Variants in RIMS2 observed in about 807,000 individuals in gnomAD.
The protein encoded by RIMS2 is regulating synaptic membrane exocytosis 2.
Under a neutral mutation model 174.4 loss-of-function variants are expected in RIMS2, and 59 were observed. The ratio of observed to expected loss-of-function variants is 0.34; its 90% CI spans 0.27 to 0.42. RIMS2 has a LOEUF of 0.42. Among genes scored for constraint, RIMS2 ranks in the 10% least tolerant of loss-of-function variants. The pLI, the probability that RIMS2 is intolerant of heterozygous loss-of-function variation, is 1.00. For missense variants in RIMS2, 1,620 were observed against 1,666.3 expected (o/e 0.97, Z 0.48); for synonymous variants, 606 against 572.5 (o/e 1.06, Z -0.84).
chr8:104,125,368 G>A (rs2098420156), intron 19 of RIMS2, among the ~76,000 whole-genome samples: 1 of 152,080 alleles, frequency 6.6e-6, no homozygotes. Context: ...CAAGTTTTAT[G>A]ATTTCTCAGT....
In RIMS2 at chr8:103,975,597, A is replaced by T. The variant is rs146919418; in HGVS notation, c.2927+91A>T. On this transcript the variant is annotated intron_variant, in intron 16 of 23. Coordinates refer to ENST00000504942, the Ensembl canonical transcript of RIMS2. ...AACTAATAGGATATATGTATATACGAAAGGGAGTTTATTAGGGAGAATTGG... is the reference window on the plus strand; with the variant it reads ...AACTAATAGGATATATGTATATACGTAAGGGAGTTTATTAGGGAGAATTGG... The T allele has an allele frequency of 2.5e-4, 202 of 818,236 alleles. 1 individual carries two copies. In the African/African-American group the frequency reaches 3.4e-3, roughly 14 times the overall value. The allele number at this position is 818,236 out of a possible 1,614,324, so 50.7% of individuals were successfully genotyped here.
intron 3 of RIMS2, among the ~76,000 whole-genome samples, chr8:103,789,303 TTG>T (rs2098474437): frequency 6.6e-6 from 1 of 152,042 alleles, no homozygotes; most frequent in Non-Finnish European, 1.5e-5. Flanking sequence ...CCCCAGCAGT[TTG>T]TTTTTTCAAA....
rs557523094 is a variant in RIMS2, at chr8:104,202,439, A to C, written c.3335-42477A>C. ...GGTGAAAGCTTTTGAAAGCACTGTA[A>C]AGCTAAAGATTATAGGACACTTTAT... On this transcript the variant is annotated intron_variant, in intron 19 of 23. Coordinates refer to ENST00000504942, the Ensembl canonical transcript of RIMS2. Among the ~76,000 whole-genome samples, 8 of 152,328 alleles carry C rather than the reference A, an allele frequency of 5.3e-5. No homozygotes were observed. The East Asian group carries it at 1.5e-3, about 29-fold the overall frequency.
intron 3 of RIMS2, among the ~76,000 whole-genome samples, chr8:103,861,211 A>C (rs2154499994): frequency 6.7e-6 from 1 of 150,322 alleles, no homozygotes; most frequent in African/African-American, 2.5e-5. Flanking sequence ...GCTCCCACTT[A>C]CAAGTGAGGA....
At chr8:104,176,084 C>A (rs959518106) in intron 19 of RIMS2, among the ~76,000 whole-genome samples, 3 of 152,144 alleles carry the variant, frequency 2.0e-5, no homozygotes, top group Non-Finnish European at 4.4e-5. Flanking sequence ...GGAATTATAA[C>A]AATCTCGAGT....
chr8:103,898,320 C>T (rs2099303024), intron 4 of RIMS2, among the ~76,000 whole-genome samples: 1 of 151,734 alleles, frequency 6.6e-6, no homozygotes, highest in South Asian at 2.1e-4. Context: ...ATTAGCATAA[C>T]CCTGGAAAGA....
At chr8:103,602,412 A>G (rs1280729352) in intron 1 of RIMS2, among the ~76,000 whole-genome samples, 5 of 151,960 alleles carry the variant, frequency 3.3e-5, no homozygotes, top group Non-Finnish European at 7.3e-5. Context: ...GGTAATAAGC[A>G]TAGTACTTAA....
intron 19 of RIMS2, among the ~76,000 whole-genome samples, chr8:104,019,217 A>G (rs2096016582): frequency 6.6e-6 from 1 of 152,166 alleles, no homozygotes; most frequent in Non-Finnish European, 1.5e-5. Context: ...AAAACATTAT[A>G]TAATCAGTAA....
chr8:104,147,060 C>T (rs1481686227), intron 19 of RIMS2, among the ~76,000 whole-genome samples: 1 of 152,206 alleles, frequency 6.6e-6, no homozygotes, highest in African/African-American at 2.4e-5. Context: ...TATAAAAAGC[C>T]TTAGTTTCTG....
intron 3 of RIMS2, among the ~76,000 whole-genome samples, chr8:103,860,614 T>C (rs903964172): frequency 6.6e-6 from 1 of 152,070 alleles, no homozygotes; most frequent in Non-Finnish European, 1.5e-5. Flanking sequence ...GCCACTGTTA[T>C]TGTTAGCCAT....
At chr8:103,916,815 T>A (rs1001882791) in intron 8 of RIMS2, among the ~76,000 whole-genome samples, 2 of 152,118 alleles carry the variant, frequency 1.3e-5, no homozygotes, top group African/African-American at 4.8e-5. Context: ...TTATAGGATT[T>A]AGTAGGGGAA....
chr8:103,656,967 C>A (rs547837908), intron 1 of RIMS2, among the ~76,000 whole-genome samples: 1 of 152,248 alleles, frequency 6.6e-6, no homozygotes, highest in Admixed American at 6.5e-5. Context: ...ATGCCTCCAG[C>A]TGGGGGAGGG....
intron 1 of RIMS2, among the ~76,000 whole-genome samples, chr8:103,671,021 T>C (rs774447546): frequency 3.3e-5 from 5 of 152,202 alleles, no homozygotes; most frequent in Non-Finnish European, 5.9e-5. Flanking sequence ...AGAGGTTTAA[T>C]GGACTCATGG....
In RIMS2 at chr8:103,988,863, C is replaced by T. The variant is rs1596480222; in HGVS notation, c.2928-442C>T. 2.0e-5 allele frequency among the ~76,000 whole-genome samples: 3 copies of T among 152,292 alleles called. No individual in the cohort carries two copies. The South Asian group carries it at 6.2e-4, about 32-fold the overall frequency. ...GCAAATTTTGACTTGTTCCCCTAAG[C>T]TCCGAACTCATGTCCAACCACCTAT... On this transcript the variant is annotated intron_variant, in intron 16 of 23. Transcript: ENST00000504942.
chr8:103,576,421 G>A (rs1238128203), intron 1 of RIMS2, among the ~76,000 whole-genome samples: 1 of 152,176 alleles, frequency 6.6e-6, no homozygotes, highest in Admixed American at 6.5e-5. Flanking sequence ...ATGCAAAGAT[G>A]TAAATGTACA....
At chr8:103,747,645 A>G (rs2097839511) in intron 2 of RIMS2, among the ~76,000 whole-genome samples, 1 of 152,036 alleles carries the variant, frequency 6.6e-6, no homozygotes, top group African/African-American at 2.4e-5. Flanking sequence ...TGTATCTTAA[A>G]AGTGGGATAA....
At chr8:103,911,982 CAT>C in intron 5 of RIMS2, 69 bp from the exon 9 acceptor site, 2 of 1,221,976 alleles carry the variant, frequency 1.6e-6, no homozygotes, top group African/African-American at 3.1e-5. Flanking sequence ...GATCATTTGT[CAT>C]AAAACGATAA....
At chr8:103,658,819 G>A (rs1366216603) in intron 1 of RIMS2, among the ~76,000 whole-genome samples, 1 of 152,144 alleles carries the variant, frequency 6.6e-6, no homozygotes, top group Non-Finnish European at 1.5e-5. Context: ...TTAGAAGGAT[G>A]TTTTGGAAAG....
rs186283684 is a variant in RIMS2 at position 103,988,603 on chromosome 8, G to T, written c.2928-702G>T. 4.8e-4 allele frequency among the ~76,000 whole-genome samples: 73 copies of T among 152,220 alleles called. 1 individual carries two copies. The Middle Eastern group carries it at 0.017, about 35-fold the overall frequency. ...GCCACCCGAGTAGCTGGGATTGCAG[G>T]CATGCACCACCACACCTTGCTGATT... On this transcript the variant is annotated intron_variant, in intron 16 of 23. Transcript: ENST00000504942.
Sources: gnomAD v4.1 joint callset for allele counts (sites outside exome capture counted in the v4.1 genomes callset) on GRCh38, gnomAD v4.1.1 for gene constraint, MANE v1.5 for transcripts, NCBI Gene and HGNC (gene_info 2026-07-23, HGNC 2026-07-21) for gene names.